RAD51D: variants seen among roughly 807,000 people sequenced by gnomAD.
The protein encoded by RAD51D is RAD51 paralog D, also known as DNA repair protein RAD51 homolog 4.
A neutral mutation model predicts 44.1 loss-of-function variants in RAD51D; 38 were observed. That is an observed-to-expected ratio of 0.86 (90% CI 0.67 to 1.13). The LOEUF (loss-of-function observed/expected upper bound fraction) is 1.13. Ranked by LOEUF, RAD51D falls within the 50% of genes most tolerant of loss-of-function variation. The pLI is 0.00. For missense variants in RAD51D, 390 were observed against 414.0 expected, an observed-to-expected ratio of 0.94 and a Z score of 0.50; for synonymous variants, 141 against 166.6, an observed-to-expected ratio of 0.85 and a Z score of 1.18.
rs1246935953 is a variant in RAD51D, at chr17:35,097,517, G to GTGTGTA, written c.*3435_*3436insTACACA. Reference sequence around the variant, plus strand: ...TGTGTATATGTGTGTGTGTGTGTGTGTATATATATATATATATGTATATGT... The same window carrying GTGTGTA: ...TGTGTATATGTGTGTGTGTGTGTGTGTGTGTATATATATATATATATATGTATATGT... On this transcript the variant is annotated 3_prime_UTR_variant, in exon 10 of 10. Transcript: ENST00000345365. 3 of 141,430 alleles carry GTGTGTA rather than the reference G, an allele frequency of 2.1e-5. No homozygotes were observed. Among genetic ancestry groups the GTGTGTA allele is most frequent in the African/African-American group, 8.4e-5 (3 of 35,548 alleles). The allele number at this position is 141,430 out of a possible 1,614,324, so 8.8% of individuals were successfully genotyped here.
intron 3 of RAD51D, among the ~76,000 whole-genome samples, chr17:35,109,690 G>A (rs1324698200): frequency 1.3e-5 from 2 of 149,378 alleles, no homozygotes; most frequent in African/African-American, 2.5e-5. Context: ...TTTTTGAAAC[G>A]GAGTTTCACT....
chr17:35,111,650 C>G (rs1440791390), intron 3 of RAD51D, among the ~76,000 whole-genome samples: 1 of 152,104 alleles, frequency 6.6e-6, no homozygotes, highest in African/African-American at 2.4e-5. Context: ...GTCCATCTGT[C>G]CCTTGGTCAA....
Position 35,101,039 on chromosome 17 carries a change from GGAA to G in RAD51D, c.904-6_904-4del, listed in dbSNP as rs779850240. ...ACCATCTCCTGGAAACCTGTTGGCT[GGAA>G]GAAGAAGTAAGGAGTCAGTGGAGTT... is the stretch of plus-strand genomic sequence containing the variant. On this transcript the variant is annotated splice_polypyrimidine_tract_variant and splice_region_variant and intron_variant, in intron 9 of 9. Coordinates refer to ENST00000345365, the MANE Select transcript of RAD51D (RefSeq NM_002878.4). 2.4e-5 allele frequency: 39 copies of G among 1,612,978 alleles called. No individual in the cohort carries two copies. The highest frequency in any genetic ancestry group is 1.6e-4 in the Middle Eastern group (1 of 6,082).
In RAD51D at chr17:35,092,579, G is replaced by C. The variant is rs531143783; in HGVS notation, c.*8374C>G. On this transcript the variant is annotated 3_prime_UTR_variant, in exon 10 of 10. Transcript: ENST00000345365. ...GACATTACCTTGTCCAAGTAACTCGGCCAGAAAGGGACTAGCAGGGTTTTG... is the reference window on the plus strand; with the variant it reads ...GACATTACCTTGTCCAAGTAACTCGCCCAGAAAGGGACTAGCAGGGTTTTG... The C allele has an allele frequency of 6.6e-6, 1 of 152,300 alleles. No individual in the cohort carries two copies. Among genetic ancestry groups the C allele is most frequent in the African/African-American group, 2.4e-5 (1 of 41,558 alleles). 9.4% of individuals were successfully genotyped at this position (152,300 alleles called of 1,614,324 possible).
rs876659511 is a variant in RAD51D, at chr17:35,106,985, T to C, written c.480+3A>G. 6.2e-7 allele frequency: 1 copy of C among 1,614,226 alleles called. No homozygotes were observed. ...TCAATGGAACCCAGCATCCTGCCCT[T>C]ACCTGTTCCTCCTCATCCTGGGTTT... On this transcript the variant is annotated splice_donor_region_variant and intron_variant, in intron 5 of 9. Coordinates refer to ENST00000345365, the MANE Select transcript of RAD51D (RefSeq NM_002878.4).
In RAD51D at chr17:35,119,826, G is replaced by C. The variant is rs995205594; in HGVS notation, c.-213C>G. The stretch of plus-strand genomic sequence containing the variant: ...ATCCGCCGGGATTCCCGCGCCCAGA[G>C]CCCGCCCGCCGGGTCGCGCCGCGCT... On this transcript the variant is annotated 5_prime_UTR_variant, in exon 1 of 10. Transcript: ENST00000345365. The C allele has an allele frequency of 1.7e-5, 12 of 687,348 alleles. No homozygotes were observed. Among genetic ancestry groups the C allele is most frequent in the Admixed American group, 1.6e-4 (8 of 48,900 alleles). The allele number at this position is 687,348 out of a possible 1,614,324, so 42.6% of individuals were successfully genotyped here.
Position 35,119,659 on chromosome 17 carries a change from G to A in RAD51D, c.-46C>T, listed in dbSNP as rs1385160835. 6.3e-7 allele frequency: 1 copy of A among 1,592,226 alleles called. No individual in the cohort carries two copies. The highest frequency in any genetic ancestry group is 8.5e-7 in the Non-Finnish European group (1 of 1,169,804). The stretch of plus-strand genomic sequence containing the variant: ...GCCCCAGGGGGACTGCACGTCACGT[G>A]GGCATTCGCGGGGGGTCCTCTCCAG... On this transcript the variant is annotated 5_prime_UTR_variant, in exon 1 of 10. Coordinates refer to ENST00000345365, the MANE Select transcript of RAD51D (RefSeq NM_002878.4).
rs2091497922 is a variant in RAD51D at position 35,097,807 on chromosome 17, G to A, written c.*3146C>T. On this transcript the variant is annotated 3_prime_UTR_variant, in exon 10 of 10. Coordinates refer to ENST00000345365, the MANE Select transcript of RAD51D (RefSeq NM_002878.4). Reference sequence around the variant, plus strand: ...AGTACAAGTGAATAACTAATACAGGGAAGTTACTGTAAGCATCTATCTAGA... The same window carrying A: ...AGTACAAGTGAATAACTAATACAGGAAAGTTACTGTAAGCATCTATCTAGA... 6.6e-6 allele frequency: 1 copy of A among 152,250 alleles called. No individual in the cohort carries two copies. Among genetic ancestry groups the A allele is most frequent in the East Asian group, 1.9e-4 (1 of 5,208 alleles). The allele number at this position is 152,250 out of a possible 1,614,324, so 9.4% of individuals were successfully genotyped here. A position where few individuals can be genotyped will look rare whatever the true frequency, so the allele number is the denominator to read the frequency against.
At chr17:35,119,490 G>A (rs1180219115) in intron 1 of RAD51D, 42 bp downstream of exon 1, 5 of 1,602,336 alleles carry the variant, frequency 3.1e-6, no homozygotes, top group Admixed American at 1.7e-5. Context: ...CCCAGGTTGT[G>A]CGAGGCCCGC....
rs150552366 is a variant in RAD51D at position 35,112,573 on chromosome 17, T to G, written c.264-5126A>C. On this transcript the variant is annotated intron_variant, in intron 3 of 9. Coordinates refer to ENST00000345365, the MANE Select transcript of RAD51D (RefSeq NM_002878.4). ...TTGTATTTCTAGTAAAGACCAGGTT[T>G]CATCATATTGGCCAGGCTGGTCTCG... Among the ~76,000 whole-genome samples the G allele has an allele frequency of 2.0e-3, 301 of 152,292 alleles. 1 individual carries two copies. The highest frequency in any genetic ancestry group is 6.0e-3 in the African/African-American group (250 of 41,560).
At chr17:35,116,217 G>A (rs1159587334) in intron 3 of RAD51D, among the ~76,000 whole-genome samples, 2 of 152,204 alleles carry the variant, frequency 1.3e-5, no homozygotes, top group Non-Finnish European at 2.9e-5. Context: ...ACATACCCCA[G>A]GCCAGCACTG....
At chr17:35,106,272 G>A (rs373024611) in intron 6 of RAD51D, 114 bp downstream of exon 6, 39 of 855,648 alleles carry the variant, frequency 4.6e-5, no homozygotes, top group Non-Finnish European at 6.8e-5. Context: ...AGCATAGTTG[G>A]AGTCACCAGA....
chr17:35,119,087 G>C (rs773906973), intron 2 of RAD51D, 24 bp downstream of exon 2: 1 of 1,604,724 alleles, frequency 6.2e-7, no homozygotes, highest in East Asian at 2.2e-5. Context: ...ACTCAGGTTT[G>C]GAATGTGGAG....
chr17:35,106,808 G>A (rs1225160589), intron 5 of RAD51D, among the ~76,000 whole-genome samples, 180 bp downstream of exon 5: 2 of 152,208 alleles, frequency 1.3e-5, no homozygotes, highest in Non-Finnish European at 2.9e-5. Flanking sequence ...ATCAGTGTGA[G>A]TAGCATCCCA....
Position 35,101,366 on chromosome 17 carries a change from C to T in RAD51D, c.739-1G>A, listed in dbSNP as rs1555567202. ...TGTCTCGAGTTATGTGGTTGGTCAC[C>T]TGCAGCAGAAACAGACTTACAGATC... On this transcript the variant is annotated splice_acceptor_variant, in intron 8 of 9. Coordinates refer to ENST00000345365, the MANE Select transcript of RAD51D (RefSeq NM_002878.4). LOFTEE classifies it high-confidence loss of function. The T allele has an allele frequency of 6.2e-7, 1 of 1,613,390 alleles. No homozygotes were observed. The highest frequency in any genetic ancestry group is 1.3e-5 in the African/African-American group (1 of 74,932).
chr17:35,101,310 C>G lies in RAD51D; in HGVS notation c.794G>C (p.Gly265Ala), dbSNP rs1466324380. ...RDSGRLKPAL[G>A]RSWSFVPSTR... ...GCTGGGCACAAAGCTCCAGGAGCGT[C>G]CGAGGGCAGGTTTGAGCCTCCCGCT... The change falls in exon 9 of 10, where the codon GGA becomes GCA. Residue 265 changes from glycine to alanine, a missense_variant. Gly to Ala is a moderately conservative substitution (Grantham distance 60). Transcript: ENST00000345365. The G allele has an allele frequency of 5.6e-6, 9 of 1,614,154 alleles. No homozygotes were observed. The highest frequency in any genetic ancestry group is 7.6e-6 in the Non-Finnish European group (9 of 1,180,028).
intron 3 of RAD51D, among the ~76,000 whole-genome samples, chr17:35,108,817 G>A (rs1482774911): frequency 2.0e-5 from 3 of 150,702 alleles, no homozygotes; most frequent in African/African-American, 7.3e-5. Flanking sequence ...ACAAAGTTAT[G>A]TACATAGAAT....
intron 3 of RAD51D, among the ~76,000 whole-genome samples, chr17:35,116,077 A>AAAAG (rs1008724771): frequency 6.6e-5 from 10 of 150,884 alleles, no homozygotes; most frequent in East Asian, 5.8e-4. Context: ...ACAAAAAAAA[A>AAAAG]AAAGAAAGAA....
chr17:35,114,912 T>C (rs1481590563), intron 3 of RAD51D, among the ~76,000 whole-genome samples: 2 of 151,648 alleles, frequency 1.3e-5, no homozygotes, highest in East Asian at 3.8e-4. Flanking sequence ...TCCCAGATGA[T>C]TCTAACGTGC....
Sources: allele counts gnomAD v4.1 joint callset (sites outside exome capture counted in the v4.1 genomes callset), GRCh38; gene constraint gnomAD v4.1.1; transcripts MANE v1.5; gene names NCBI Gene and HGNC (gene_info 2026-07-23, HGNC 2026-07-21).